The following WHRN variants were observed in gnomAD, a reference collection of about 807,000 sequenced individuals.
WHRN encodes whirlin.
WHRN carries 41 observed loss-of-function variants against 68.3 expected under a neutral mutation model. The observed-to-expected ratio is 0.60, with a 90% CI of 0.47 to 0.78. The LOEUF (loss-of-function observed/expected upper bound fraction) is 0.78. Among genes scored for constraint, WHRN ranks in the 30% least tolerant of loss-of-function variants. The probability of loss-of-function intolerance (pLI) is 0.00; values close to 1 mark genes in which losing one functional copy is unlikely to be tolerated. For synonymous variants in WHRN, 560 were observed against 561.3 expected, an observed-to-expected ratio of 1.00 and a Z score of 0.03; for missense variants, 1,243 against 1,244.7, an observed-to-expected ratio of 1.00 and a Z score of 0.02.
At position 114,503,231 on chromosome 9, in the gene WHRN, G is replaced by T. The variant is rs984247660; in HGVS notation, c.618+953C>A. 58 of 983,296 alleles carry T rather than the reference G, an allele frequency of 5.9e-5. No homozygotes were observed. In the African/African-American group the frequency reaches 9.4e-4, roughly 16 times the overall value. The allele number at this position is 983,296 out of a possible 1,614,324, so 60.9% of individuals were successfully genotyped here. ...AAACACCTGCGCTGGCGGGGAGTGG[G>T]GGTTTACAGAACAGTCCAACCCCCT... On this transcript the variant is annotated intron_variant, in intron 1 of 11. Coordinates refer to ENST00000362057, the MANE Select transcript of WHRN (RefSeq NM_015404.4).
At chr9:114,408,924 T>C (rs1482151532) in intron 7 of WHRN, among the ~76,000 whole-genome samples, 2 of 152,168 alleles carry the variant, frequency 1.3e-5, no homozygotes, top group Non-Finnish European at 2.9e-5. Flanking sequence ...AGGGCAAATT[T>C]GCGCGCTCTT....
intron 3 of WHRN, among the ~76,000 whole-genome samples, chr9:114,459,008 C>T (rs1275206133): frequency 6.6e-6 from 1 of 152,196 alleles, no homozygotes; most frequent in Non-Finnish European, 1.5e-5. Flanking sequence ...CAAGGTCACA[C>T]AACAAGGAGG....
intron 3 of WHRN, among the ~76,000 whole-genome samples, chr9:114,458,842 C>T (rs1840019008): frequency 6.6e-6 from 1 of 152,206 alleles, no homozygotes; most frequent in African/African-American, 2.4e-5. Flanking sequence ...ATGGTGGCAG[C>T]CAATATCCAC....
intron 8 of WHRN, among the ~76,000 whole-genome samples, chr9:114,407,622 G>A (rs1316093259): frequency 1.3e-5 from 2 of 152,194 alleles, no homozygotes; most frequent in African/African-American, 2.4e-5. Context: ...AACTTATGGG[G>A]TAGGTATGCT....
At chr9:114,457,686 C>A (rs975234153) in intron 3 of WHRN, among the ~76,000 whole-genome samples, 5 of 152,056 alleles carry the variant, frequency 3.3e-5, no homozygotes, top group African/African-American at 9.7e-5. Context: ...GAGGCCGAGG[C>A]GGGTGGATCA....
intron 3 of WHRN, among the ~76,000 whole-genome samples, chr9:114,459,465 A>T (rs1390849369): frequency 6.6e-6 from 1 of 151,652 alleles, no homozygotes; most frequent in African/African-American, 2.4e-5. Context: ...TTCATCTAAA[A>T]AAAACAGAGT....
At chr9:114,471,416 C>T (rs1841209431) in intron 2 of WHRN, among the ~76,000 whole-genome samples, 1 of 152,142 alleles carries the variant, frequency 6.6e-6, no homozygotes, top group South Asian at 2.1e-4. Flanking sequence ...ACATACCCAG[C>T]CACTTGGCTT....
intron 1 of WHRN, among the ~76,000 whole-genome samples, chr9:114,498,413 T>C (rs574312763): frequency 1.3e-5 from 2 of 152,302 alleles, no homozygotes; most frequent in East Asian, 3.9e-4. Flanking sequence ...CTGTAAATGC[T>C]GGGTGACCTG....
At chr9:114,492,816 C>T (rs1019085303) in intron 1 of WHRN, among the ~76,000 whole-genome samples, 5 of 151,776 alleles carry the variant, frequency 3.3e-5, no homozygotes, top group African/African-American at 7.2e-5. Context: ...TGAAACCCCA[C>T]GTCTACAAAA....
intron 3 of WHRN, among the ~76,000 whole-genome samples, chr9:114,444,887 C>T (rs1224621953): frequency 6.6e-6 from 1 of 151,842 alleles, no homozygotes; most frequent in African/African-American, 2.4e-5. Flanking sequence ...CCCAGTTTTG[C>T]TGAAATATTT....
intron 3 of WHRN, among the ~76,000 whole-genome samples, chr9:114,439,473 C>T (rs1838179063): frequency 1.3e-5 from 2 of 152,280 alleles, no homozygotes; most frequent in Admixed American, 1.3e-4. Flanking sequence ...TGGGTAAACA[C>T]TTAAGGTAGG....
intron 2 of WHRN, among the ~76,000 whole-genome samples, chr9:114,468,343 A>G (rs553557431): frequency 6.6e-6 from 1 of 152,030 alleles, no homozygotes; most frequent in South Asian, 2.1e-4. Flanking sequence ...GTCGCAGCCA[A>G]CTCATGGCCA....
intron 7 of WHRN, among the ~76,000 whole-genome samples, chr9:114,416,724 C>T (rs1048365458): frequency 2.0e-5 from 3 of 152,150 alleles, no homozygotes; most frequent in Non-Finnish European, 2.9e-5. Flanking sequence ...AGTGTGAGAA[C>T]GGATTAATAC....
In WHRN at chr9:114,404,024, T is replaced by C. The variant is rs1834853946; in HGVS notation, c.2290A>G (p.Ser764Gly). The C allele has an allele frequency of 3.1e-6, 5 of 1,613,438 alleles. No individual in the cohort carries two copies. The highest frequency in any genetic ancestry group is 4.2e-6 in the Non-Finnish European group (5 of 1,180,024). ...SDSGQTLSED[S>G]GVDAGEAEAS... is the part of the protein sequence containing the mutation. ...TCTGCCTCGCCAGCATCCACACCACTGTCCTCGCTTAGAGTCTGCCCGCTG... is the reference window on the plus strand; with the variant it reads ...TCTGCCTCGCCAGCATCCACACCACCGTCCTCGCTTAGAGTCTGCCCGCTG... The change falls in exon 10 of 12, where the codon AGT (serine) becomes GGT (glycine). Residue 764 changes from serine (S) to glycine (G), a missense_variant. Physicochemically the swap from Ser to Gly is moderately conservative, Grantham distance 56 (BLOSUM62 0). Coordinates refer to ENST00000362057, the MANE Select transcript of WHRN (RefSeq NM_015404.4).
chr9:114,413,591 G>A (rs1835609320), intron 7 of WHRN, among the ~76,000 whole-genome samples: 1 of 152,214 alleles, frequency 6.6e-6, no homozygotes, highest in South Asian at 2.1e-4. Flanking sequence ...GGGTAGGGGT[G>A]TAAGTCTGTG....
chr9:114,457,860 G>C (rs577054052), intron 3 of WHRN, among the ~76,000 whole-genome samples: 1 of 150,212 alleles, frequency 6.7e-6, no homozygotes, highest in African/African-American at 2.5e-5. Flanking sequence ...AGGTTGCAGT[G>C]AGCCAAGATG....
intron 2 of WHRN, among the ~76,000 whole-genome samples, chr9:114,468,866 G>A (rs1051453771): frequency 4.6e-5 from 7 of 152,286 alleles, no homozygotes; most frequent in African/African-American, 1.7e-4. Flanking sequence ...AGATCTGAGG[G>A]CACCTGGGTT....
chr9:114,492,654 G>A (rs913154301), intron 1 of WHRN, among the ~76,000 whole-genome samples: 1 of 152,146 alleles, frequency 6.6e-6, no homozygotes, highest in Admixed American at 6.5e-5. Flanking sequence ...GACTTGGGGA[G>A]GGTCTTTTGG....
At chr9:114,426,443 C>A (rs752785637) in intron 3 of WHRN, 30 bp from the exon 4 acceptor site, 15 of 1,612,764 alleles carry the variant, frequency 9.3e-6, no homozygotes, top group Non-Finnish European at 9.3e-6. Flanking sequence ...ATACAGTCAC[C>A]TGGGCTGTTT....
Sources: gnomAD v4.1 joint callset for allele counts (sites outside exome capture counted in the v4.1 genomes callset) on GRCh38, gnomAD v4.1.1 for gene constraint, MANE v1.5 for transcripts, NCBI Gene and HGNC (gene_info 2026-07-23, HGNC 2026-07-21) for gene names.